The following CDH4 variants were observed in gnomAD, a reference collection of about 807,000 sequenced individuals.
CDH4 encodes the protein cadherin 4, also known as cadherin-4.
Under a neutral mutation model 86.0 loss-of-function variants are expected in CDH4, and 33 were observed. The observed-to-expected ratio is 0.38, with a 90% CI of 0.29 to 0.51. The LOEUF is 0.51. Ranked by LOEUF, CDH4 falls within the 20% of genes least tolerant of loss-of-function variation. The pLI, the probability that CDH4 is intolerant of heterozygous loss-of-function variation, is 0.86. For synonymous variants in CDH4, 555 were observed against 549.4 expected, an observed-to-expected ratio of 1.01 and a Z score of -0.14; for missense variants, 1,114 against 1,307.4, an observed-to-expected ratio of 0.85 and a Z score of 2.28.
intron 2 of CDH4, among the ~76,000 whole-genome samples, chr20:61,615,769 A>G (rs2086720320): frequency 1.3e-5 from 2 of 152,214 alleles, no homozygotes; most frequent in South Asian, 4.1e-4. Context: ...TATAAAAGTG[A>G]GGGTAACTGA....
intron 2 of CDH4, among the ~76,000 whole-genome samples, chr20:61,460,393 G>A (rs1425192832): frequency 6.6e-6 from 1 of 152,180 alleles, no homozygotes; most frequent in East Asian, 1.9e-4. Context: ...TCTCAGCTGG[G>A]CCCCAGAAAC....
At chr20:61,901,771 C>T (rs1403210708) in intron 8 of CDH4, among the ~76,000 whole-genome samples, 1 of 152,214 alleles carries the variant, frequency 6.6e-6, no homozygotes, top group Admixed American at 6.5e-5. Context: ...CCCACGCTGG[C>T]CCATGGGGTT....
chr20:61,534,558 C>T (rs564289741), intron 2 of CDH4, among the ~76,000 whole-genome samples: 9 of 152,216 alleles, frequency 5.9e-5, no homozygotes, highest in African/African-American at 2.2e-4. Context: ...GGGCACGGGA[C>T]CGGGCCGGAG....
intron 2 of CDH4, among the ~76,000 whole-genome samples, chr20:61,371,478 A>G (rs534239194): frequency 6.6e-6 from 1 of 152,230 alleles, no homozygotes; most frequent in Non-Finnish European, 1.5e-5. Flanking sequence ...TCTCAGTGCC[A>G]TCGGGAAAAG....
intron 2 of CDH4, among the ~76,000 whole-genome samples, chr20:61,590,580 G>A (rs2253525): frequency 0.68 from 103,769 of 152,118 alleles, 36,250 homozygotes; most frequent in East Asian, 0.8. Context: ...TCAGCAGATC[G>A]TCCATGGCTA....
At chr20:61,770,519 C>A (rs995244113) in intron 3 of CDH4, among the ~76,000 whole-genome samples, 1 of 152,242 alleles carries the variant, frequency 6.6e-6, no homozygotes, top group African/African-American at 2.4e-5. Context: ...GACGCATGGA[C>A]GCCGCATATA....
At chr20:61,932,756 G>A (rs1318900679) in intron 13 of CDH4, among the ~76,000 whole-genome samples, 2 of 152,158 alleles carry the variant, frequency 1.3e-5, no homozygotes, top group African/African-American at 2.4e-5. Context: ...CTACATCCAC[G>A]AATGCACACG....
At chr20:61,899,552 C>T (rs559949284) in intron 8 of CDH4, among the ~76,000 whole-genome samples, 4 of 152,148 alleles carry the variant, frequency 2.6e-5, no homozygotes, top group South Asian at 2.1e-4. Flanking sequence ...CTCAGCCTCC[C>T]GAGTAGCTGG....
rs1166953759 is a variant in CDH4 at position 61,518,061 on chromosome 20, C to T, written c.170-225502C>T. ...CTGATCCCTTTTCAGGCGCTATTTTCCCCATGCAGATAAGGCCCTCAGTTT... is the reference window on the plus strand; with the variant it reads ...CTGATCCCTTTTCAGGCGCTATTTTTCCCATGCAGATAAGGCCCTCAGTTT... On this transcript the variant is annotated intron_variant, in intron 2 of 15. Transcript: ENST00000614565. This position sits in a 1 kb window ranked among gnomAD's most constrained non-coding sequence, Gnocchi z 6.3. Among the ~76,000 whole-genome samples, 1 of 152,156 alleles carries T rather than the reference C, an allele frequency of 6.6e-6. No homozygotes were observed. Among genetic ancestry groups the T allele is most frequent in the Non-Finnish European group, 1.5e-5 (1 of 68,028 alleles).
At chr20:61,878,072 G>A (rs929986709) in intron 7 of CDH4, among the ~76,000 whole-genome samples, 5 of 152,068 alleles carry the variant, frequency 3.3e-5, no homozygotes, top group East Asian at 1.9e-4. Context: ...CCTGGCCTGC[G>A]TGAGTGGCCA....
rs539918758 is a variant in CDH4, at chr20:61,710,402, G to C, written c.170-33161G>C. 1.2e-3 allele frequency among the ~76,000 whole-genome samples: 190 copies of C among 152,348 alleles called. 1 individual carries two copies. The highest frequency in any genetic ancestry group is 3.2e-4 in the Non-Finnish European group (22 of 68,040). The stretch of plus-strand genomic sequence containing the variant: ...ATGAAGGCGGTACAGGAACTCCCAA[G>C]CTGCCAAGCCTCCCAGCCTCTATCT... On this transcript the variant is annotated intron_variant, in intron 2 of 15. Transcript: ENST00000614565.
Position 61,325,878 on chromosome 20 carries a change from G to A in CDH4, c.169+70941G>A, listed in dbSNP as rs537606746. Among the ~76,000 whole-genome samples the A allele has an allele frequency of 2.5e-4, 38 of 152,250 alleles. No homozygotes were observed. The Middle Eastern group carries it at 0.01, about 41-fold the overall frequency. On this transcript the variant is annotated intron_variant, in intron 2 of 15. Transcript: ENST00000614565. Reference sequence around the variant, plus strand: ...ATGTGTGCTTCTTGCCACGGGTGCCGACGCAAGTGGGTTGCCTCTTTTCCC... The same window carrying A: ...ATGTGTGCTTCTTGCCACGGGTGCCAACGCAAGTGGGTTGCCTCTTTTCCC...
At chr20:61,863,534 A>T (rs4925306) in intron 6 of CDH4, among the ~76,000 whole-genome samples, 2 of 152,128 alleles carry the variant, frequency 1.3e-5, no homozygotes, top group Non-Finnish European at 2.9e-5. Flanking sequence ...TCTTTCCTGC[A>T]GGGAGCCCAG....
chr20:61,793,014 G>A (rs567276219), intron 4 of CDH4, among the ~76,000 whole-genome samples: 2 of 152,062 alleles, frequency 1.3e-5, no homozygotes, highest in Admixed American at 6.6e-5. Flanking sequence ...CCAGGCTGGA[G>A]TGCAGTAGTG....
chr20:61,715,646 C>T (rs949623391), intron 2 of CDH4, among the ~76,000 whole-genome samples: 2 of 152,232 alleles, frequency 1.3e-5, no homozygotes, highest in African/African-American at 4.8e-5. Context: ...TTAAATTTGC[C>T]TCTAGGGACA....
chr20:61,721,091 G>T (rs911413291), intron 2 of CDH4, among the ~76,000 whole-genome samples: 2 of 152,218 alleles, frequency 1.3e-5, no homozygotes, highest in Non-Finnish European at 2.9e-5. Flanking sequence ...AGTAGCTCTA[G>T]CACAGAGTAG....
At chr20:61,874,987 C>T (rs1009310609) in intron 7 of CDH4, among the ~76,000 whole-genome samples, 1 of 152,202 alleles carries the variant, frequency 6.6e-6, no homozygotes, top group Admixed American at 6.5e-5. Flanking sequence ...GGCCCTCGAG[C>T]TCTGGGTGTG....
intron 2 of CDH4, among the ~76,000 whole-genome samples, chr20:61,732,042 C>G (rs2088196460): frequency 6.6e-6 from 1 of 152,240 alleles, no homozygotes; most frequent in African/African-American, 2.4e-5. Context: ...CTCTCTCCCT[C>G]CTTCTCAGCC....
At chr20:61,774,267 G>T (rs542584867) in intron 4 of CDH4, among the ~76,000 whole-genome samples, 4 of 152,192 alleles carry the variant, frequency 2.6e-5, no homozygotes, top group African/African-American at 9.6e-5. Flanking sequence ...ATTTTCCTGT[G>T]AAATGCAGTT....
Sources: gnomAD v4.1 joint callset for allele counts (sites outside exome capture counted in the v4.1 genomes callset) on GRCh38, gnomAD v4.1.1 for gene constraint, Gnocchi (gnomAD v3.1) non-coding constraint, MANE v1.5 for transcripts, NCBI Gene and HGNC (gene_info 2026-07-23, HGNC 2026-07-21) for gene names.